The following PRKCE variants were observed in gnomAD, a reference collection of about 807,000 sequenced individuals.
PRKCE encodes the protein protein kinase C epsilon, also known as protein kinase C epsilon type.
In PRKCE, 16 loss-of-function variants were observed where a neutral mutation model predicts 85.4. The observed-to-expected ratio is 0.19, with a 90% CI of 0.13 to 0.28. The LOEUF is 0.28. Ranked by LOEUF, PRKCE falls within the 10% of genes least tolerant of loss-of-function variation. The pLI is 1.00. For missense variants in PRKCE, 573 were observed against 975.2 expected, an observed-to-expected ratio of 0.59 and a Z score of 5.49; for synonymous variants, 388 against 371.5, an observed-to-expected ratio of 1.04 and a Z score of -0.51.
rs535881004 is a variant in PRKCE, at chr2:45,996,040, C to T, written c.824-5364C>T. On this transcript the variant is annotated intron_variant, in intron 6 of 14. Transcript: ENST00000306156. ...ATTTAGTTCTTGATTTTTTTCACAA[C>T]GGTTTTGTAGTTCTACTTATATAGA... 1.4e-3 allele frequency among the ~76,000 whole-genome samples: 210 copies of T among 151,958 alleles called. 1 individual carries two copies. Among genetic ancestry groups the T allele is most frequent in the African/African-American group, 4.7e-3 (193 of 41,454 alleles).
chr2:46,186,278 C>T lies in PRKCE; in HGVS notation c.*1397C>T, dbSNP rs2104755217. On this transcript the variant is annotated 3_prime_UTR_variant, in exon 15 of 15. Transcript: ENST00000306156. ...AACTGATTTAGCAGGGAATGGAATCCATTCCAACTATTGCACGTGGATTTC... is the reference window on the plus strand; with the variant it reads ...AACTGATTTAGCAGGGAATGGAATCTATTCCAACTATTGCACGTGGATTTC... The T allele has an allele frequency of 6.6e-6, 1 of 152,666 alleles. No individual in the cohort carries two copies. The highest frequency in any genetic ancestry group is 2.1e-4 in the South Asian group (1 of 4,810). The allele number at this position is 152,666 out of a possible 1,614,324, so 9.5% of individuals were successfully genotyped here.
chr2:45,953,563 C>G (rs1287613374), intron 2 of PRKCE, among the ~76,000 whole-genome samples: 1 of 152,262 alleles, frequency 6.6e-6, no homozygotes, highest in Non-Finnish European at 1.5e-5. Flanking sequence ...CCAAAACACT[C>G]ATTCAGTGTC....
chr2:45,944,528 G>A (rs1007002564), intron 2 of PRKCE, among the ~76,000 whole-genome samples: 3 of 151,854 alleles, frequency 2.0e-5, no homozygotes, highest in Non-Finnish European at 4.4e-5. Flanking sequence ...TTGCTCTGTC[G>A]CCCAGGCTGG....
At chr2:45,943,385 C>T (rs994810578) in intron 2 of PRKCE, among the ~76,000 whole-genome samples, 3 of 152,230 alleles carry the variant, frequency 2.0e-5, no homozygotes, top group Admixed American at 6.5e-5. Flanking sequence ...AGTACATCTG[C>T]CAAAAGAGGG....
chr2:45,838,465 G>T (rs1038477905), intron 1 of PRKCE, among the ~76,000 whole-genome samples: 2 of 152,194 alleles, frequency 1.3e-5, no homozygotes, highest in African/African-American at 4.8e-5. Flanking sequence ...TGGCGTCAGA[G>T]GCACAGTAGG....
At chr2:45,830,908 A>G (rs1206509568) in intron 1 of PRKCE, among the ~76,000 whole-genome samples, 1 of 152,266 alleles carries the variant, frequency 6.6e-6, no homozygotes, top group Non-Finnish European at 1.5e-5. Flanking sequence ...ATCAGAATGT[A>G]CTGTCCTAGC....
chr2:46,115,877 A>C (rs1033673671), intron 11 of PRKCE, among the ~76,000 whole-genome samples: 1 of 151,842 alleles, frequency 6.6e-6, no homozygotes, highest in Non-Finnish European at 1.5e-5. Context: ...TTTGTATATG[A>C]CTCTTCATCT....
In PRKCE at chr2:45,779,806, T is replaced by C. The variant is rs575609620; in HGVS notation, c.349-63194T>C. 3.3e-5 allele frequency among the ~76,000 whole-genome samples: 5 copies of C among 151,256 alleles called. No homozygotes were observed. In the South Asian group the frequency reaches 1.0e-3, roughly 31 times the overall value. ...TAATAGGGTTATGTTTTAACTATTA[T>C]TTTATAATTTCCTTGTCATCAAAAA... On this transcript the variant is annotated intron_variant, in intron 1 of 14. Coordinates refer to ENST00000306156, the MANE Select transcript of PRKCE (RefSeq NM_005400.3).
chr2:46,048,608 A>G (rs1708668814), intron 10 of PRKCE, among the ~76,000 whole-genome samples: 1 of 152,064 alleles, frequency 6.6e-6, no homozygotes, highest in African/African-American at 2.4e-5. Context: ...CCCTTTGTCC[A>G]CGCACTTGGC....
intron 11 of PRKCE, among the ~76,000 whole-genome samples, chr2:46,129,487 G>A (rs901102356): frequency 1.3e-5 from 2 of 152,238 alleles, no homozygotes; most frequent in South Asian, 2.1e-4. Context: ...CAAGAGGACA[G>A]GGAACGTGTT....
chr2:45,769,888 A>G lies in PRKCE; in HGVS notation c.349-73112A>G, dbSNP rs373303267. Among the ~76,000 whole-genome samples the G allele has an allele frequency of 1.1e-4, 17 of 152,340 alleles. No homozygotes were observed. The East Asian group carries it at 1.7e-3, about 16-fold the overall frequency. On this transcript the variant is annotated intron_variant, in intron 1 of 14. Coordinates refer to ENST00000306156, the MANE Select transcript of PRKCE (RefSeq NM_005400.3). The stretch of plus-strand genomic sequence containing the variant: ...GGTGTGAGGAGGAACCCTTCTGAGA[A>G]CAGATAGGCAGAAACATGTACACGG...
intron 2 of PRKCE, among the ~76,000 whole-genome samples, chr2:45,887,229 A>G (rs1446442479): frequency 2.0e-5 from 3 of 152,162 alleles, no homozygotes; most frequent in Non-Finnish European, 4.4e-5. Flanking sequence ...TTATACTCTC[A>G]GCATTTTGGC....
intron 1 of PRKCE, among the ~76,000 whole-genome samples, chr2:45,777,629 G>A (rs561733110): frequency 4.7e-4 from 71 of 152,240 alleles, no homozygotes; most frequent in Non-Finnish European, 7.5e-4. Flanking sequence ...TATGCAGTAC[G>A]TATTATTATT....
intron 2 of PRKCE, among the ~76,000 whole-genome samples, chr2:45,958,577 T>G (rs1022160720): frequency 6.7e-6 from 1 of 150,010 alleles, no homozygotes; most frequent in African/African-American, 2.4e-5. Flanking sequence ...ACAATCCACC[T>G]GCCAGGGAGC....
chr2:46,026,806 G>A (rs747427590), intron 10 of PRKCE, among the ~76,000 whole-genome samples: 22 of 152,164 alleles, frequency 1.4e-4, no homozygotes, highest in Non-Finnish European at 2.6e-4. Flanking sequence ...GAATAGACAT[G>A]TAGCATATTT....
At chr2:45,884,733 A>G (rs1695117158) in intron 2 of PRKCE, among the ~76,000 whole-genome samples, 1 of 151,818 alleles carries the variant, frequency 6.6e-6, no homozygotes, top group African/African-American at 2.4e-5. Flanking sequence ...TTTCATGGCT[A>G]GTTTTTCTTA....
intron 3 of PRKCE, chr2:45,978,181 C>A (rs12464563): frequency 6.6e-6 from 1 of 152,090 alleles, no homozygotes; most frequent in Admixed American, 6.5e-5. Context: ...TCACTTGCTA[C>A]ATTTGGTCAT....
intron 1 of PRKCE, among the ~76,000 whole-genome samples, chr2:45,726,858 A>T (rs1316160768): frequency 1.3e-5 from 2 of 152,212 alleles, no homozygotes; most frequent in Admixed American, 1.3e-4. Context: ...GTGGAAAAAG[A>T]AGCAGAACTG....
Position 45,702,795 on chromosome 2 carries a change from C to G in PRKCE, c.348+50347C>G, listed in dbSNP as rs893275074. ...CACGAACCACCTCTCTTTTCCATTT[C>G]TTTCCTTCACTGTTCCTCAGACATA... is the stretch of plus-strand genomic sequence containing the variant. On this transcript the variant is annotated intron_variant, in intron 1 of 14. Coordinates refer to ENST00000306156, the MANE Select transcript of PRKCE (RefSeq NM_005400.3). Among the ~76,000 whole-genome samples, 12 of 152,162 alleles carry G rather than the reference C, an allele frequency of 7.9e-5. No individual in the cohort carries two copies. The South Asian group carries it at 1.2e-3, about 16-fold the overall frequency.
Sources: allele counts gnomAD v4.1 joint callset (sites outside exome capture counted in the v4.1 genomes callset), GRCh38; gene constraint gnomAD v4.1.1; transcripts MANE v1.5; gene names NCBI Gene and HGNC (gene_info 2026-07-23, HGNC 2026-07-21).